Variants in DNAH7 observed in about 807,000 individuals in gnomAD.
DNAH7 encodes dynein axonemal heavy chain 7, also known as axonemal beta dynein heavy chain 7.
A neutral mutation model predicts 444.6 loss-of-function variants in DNAH7; 397 were observed. That is an observed-to-expected ratio of 0.89 (90% CI 0.82 to 0.97). The LOEUF (loss-of-function observed/expected upper bound fraction) is 0.97, where lower values mean the gene tolerates loss of function less well. Ranked by LOEUF, DNAH7 falls within the 50% of genes least tolerant of loss-of-function variation. DNAH7 has a pLI of 0.00. For synonymous variants in DNAH7, 1,636 were observed against 1,624.4 expected (o/e 1.01, Z -0.17); for missense variants, 4,902 against 4,800.8 (o/e 1.02, Z -0.62).
intron 12 of DNAH7, among the ~76,000 whole-genome samples, chr2:195,997,381 G>A (rs1044429234): frequency 7.9e-5 from 12 of 152,048 alleles, no homozygotes; most frequent in South Asian, 2.1e-4. Context: ...GCATGGTGGC[G>A]CACACCAGTA....
In DNAH7 at chr2:195,861,817, T is replaced by G. The variant is rs745692237; in HGVS notation, c.7636A>C (p.Lys2546Gln). Residue 2546 changes from lysine (K) to glutamine (Q), a missense_variant, in exon 42 of 65, where the codon AAA becomes CAA. Lys to Gln is a moderately conservative substitution (Grantham distance 53). Coordinates refer to ENST00000312428, the MANE Select transcript of DNAH7 (RefSeq NM_018897.3). Reference sequence around the variant, plus strand: ...CTTTGAAGTTCAACAAAGAAAGATTTGGATAAATCTATAGTAGAAGTGTGG... The same window carrying G: ...CTTTGAAGTTCAACAAAGAAAGATTGGGATAAATCTATAGTAGAAGTGTGG... ...SFHTSTIDLS[K>Q]SFFVELQRYN... 1 of 1,613,738 alleles carries G rather than the reference T, an allele frequency of 6.2e-7. No homozygotes were observed. The highest frequency in any genetic ancestry group is 8.5e-7 in the Non-Finnish European group (1 of 1,179,668).
At chr2:195,900,151 T>C (rs1686611538) in intron 28 of DNAH7, 131 bp downstream of exon 28, 2 of 949,244 alleles carry the variant, frequency 2.1e-6, no homozygotes, top group Admixed American at 2.3e-5. Flanking sequence ...AGATAATACA[T>C]TTTTGGTTTA....
At chr2:195,781,774 T>C (rs1321391494) in intron 58 of DNAH7, among the ~76,000 whole-genome samples, 1 of 151,852 alleles carries the variant, frequency 6.6e-6, no homozygotes, top group Non-Finnish European at 1.5e-5. Context: ...ATCCACAACA[T>C]ATGTAGGTAA....
intron 61 of DNAH7, among the ~76,000 whole-genome samples, chr2:195,756,914 C>T (rs1465674915): frequency 6.6e-6 from 1 of 151,816 alleles, no homozygotes; most frequent in East Asian, 1.9e-4. Flanking sequence ...ATCACTTGAA[C>T]CTGGGAGGTC....
At chr2:195,824,569 T>C in intron 48 of DNAH7, 124 bp from the exon 49 acceptor site, 1 of 808,466 alleles carries the variant, frequency 1.2e-6, no homozygotes, top group Non-Finnish European at 1.8e-6. Flanking sequence ...CCTACAAAAT[T>C]ACTTTTGTCT....
At chr2:195,994,532 A>G (rs1693566391) in intron 12 of DNAH7, 2 of 485,280 alleles carry the variant, frequency 4.1e-6, no homozygotes, top group Non-Finnish European at 8.0e-6. Flanking sequence ...GTTTAGAGAT[A>G]TTCCCATTGT....
At chr2:196,000,059 T>A (rs1479362123) in intron 12 of DNAH7, among the ~76,000 whole-genome samples, 1 of 152,176 alleles carries the variant, frequency 6.6e-6, no homozygotes, top group Non-Finnish European at 1.5e-5. Flanking sequence ...GCTGTGCCAA[T>A]TTAGGTGTTA....
intron 63 of DNAH7, among the ~76,000 whole-genome samples, chr2:195,753,750 A>T (rs1466714007): frequency 2.0e-5 from 3 of 152,206 alleles, no homozygotes; most frequent in Non-Finnish European, 4.4e-5. Context: ...GGTAGCCATA[A>T]AGTGTAGACA....
intron 52 of DNAH7, among the ~76,000 whole-genome samples, chr2:195,809,518 TTAAAA>T (rs1218929925): frequency 1.8e-4 from 27 of 152,200 alleles, no homozygotes; most frequent in Non-Finnish European, 3.5e-4. Flanking sequence ...TCAATTTATT[TTAAAA>T]TAAAACATAA....
intron 10 of DNAH7, among the ~76,000 whole-genome samples, chr2:196,009,121 C>T (rs1342335747): frequency 6.6e-6 from 1 of 152,152 alleles, no homozygotes; most frequent in East Asian, 1.9e-4. Context: ...CAGAACCAAG[C>T]TATTCATGAG....
At chr2:195,988,629 A>C (rs1693087565) in intron 12 of DNAH7, among the ~76,000 whole-genome samples, 1 of 152,168 alleles carries the variant, frequency 6.6e-6, no homozygotes, top group Non-Finnish European at 1.5e-5. Flanking sequence ...TGTATTGATC[A>C]AATCAACATA....
chr2:196,008,746 A>G lies in DNAH7; in HGVS notation c.989+4041T>C, dbSNP rs143443245. ...GGAAATTCATAGAGACAAAAAAAAT[A>G]TTAGCATAGTTACCAGGCACCTCTG... is the stretch of plus-strand genomic sequence containing the variant. On this transcript the variant is annotated intron_variant, in intron 10 of 64. Transcript: ENST00000312428. Among the ~76,000 whole-genome samples, 183 of 152,342 alleles carry G rather than the reference A, an allele frequency of 1.2e-3. 1 individual carries two copies. In the Middle Eastern group the frequency reaches 0.02, roughly 17 times the overall value.
intron 1 of DNAH7, chr2:196,063,261 ACT>A (rs1485821254): frequency 1.3e-5 from 2 of 152,206 alleles, no homozygotes; most frequent in Non-Finnish European, 2.9e-5. Context: ...ATGTGCTGAT[ACT>A]GTGGTTGGAT....
At chr2:195,933,075 T>G (rs1485903814) in intron 21 of DNAH7, among the ~76,000 whole-genome samples, 1 of 152,192 alleles carries the variant, frequency 6.6e-6, no homozygotes, top group African/African-American at 2.4e-5. Flanking sequence ...GGTAAGCTAT[T>G]AATTATTGCC....
intron 58 of DNAH7, among the ~76,000 whole-genome samples, chr2:195,780,931 A>C (rs1695342884): frequency 1.3e-5 from 2 of 152,134 alleles, no homozygotes. Context: ...TTCAAGTAGA[A>C]ACAGTAGCAC....
At chr2:195,796,207 G>GCC (rs1696127813) in intron 56 of DNAH7, among the ~76,000 whole-genome samples, 1 of 152,114 alleles carries the variant, frequency 6.6e-6, no homozygotes, top group Non-Finnish European at 1.5e-5. Flanking sequence ...GTTGAGAGTG[G>GCC]CCACATGAAT....
intron 58 of DNAH7, among the ~76,000 whole-genome samples, chr2:195,784,700 C>A (rs1183223227): frequency 1.3e-5 from 2 of 152,166 alleles, no homozygotes; most frequent in Non-Finnish European, 2.9e-5. Context: ...GCTGTACCCA[C>A]ACCAGCAATT....
chr2:195,783,321 GGCTTAAAA>G (rs1695477235), intron 58 of DNAH7, among the ~76,000 whole-genome samples: 1 of 152,136 alleles, frequency 6.6e-6, no homozygotes, highest in African/African-American at 2.4e-5. Flanking sequence ...ACCAATAGGT[GGCTTAAAA>G]TGATAGAAAT....
chr2:195,983,060 G>T (rs1692680788), intron 15 of DNAH7, among the ~76,000 whole-genome samples: 1 of 152,088 alleles, frequency 6.6e-6, no homozygotes, highest in Non-Finnish European at 1.5e-5. Context: ...ATTACACATT[G>T]TAAGCCTACA....
Sources: allele counts gnomAD v4.1 joint callset (sites outside exome capture counted in the v4.1 genomes callset), GRCh38; gene constraint gnomAD v4.1.1; transcripts MANE v1.5; gene names NCBI Gene and HGNC (gene_info 2026-07-23, HGNC 2026-07-21).